The following EIF4E3 variants were observed in gnomAD, a reference collection of about 807,000 sequenced individuals.
EIF4E3 encodes eukaryotic translation initiation factor 4E family member 3.
EIF4E3 carries 26 observed loss-of-function variants against 31.7 expected under a neutral mutation model. The ratio of observed to expected loss-of-function variants is 0.82; its 90% confidence interval spans 0.60 to 1.14. The LOEUF is 1.14. EIF4E3 is among the 50% of genes most tolerant of loss of function. The probability of loss-of-function intolerance (pLI) is 0.00; values close to 1 mark genes in which losing one functional copy is unlikely to be tolerated. For synonymous variants in EIF4E3, 128 were observed against 107.7 expected (o/e 1.19, Z -1.17); for missense variants, 304 against 270.9 (o/e 1.12, Z -0.86).
At chr3:71,739,985 T>C (rs967397380) in intron 1 of EIF4E3, among the ~76,000 whole-genome samples, 2 of 152,150 alleles carry the variant, frequency 1.3e-5, no homozygotes, top group South Asian at 2.1e-4. Flanking sequence ...TAAATTGTTA[T>C]AGTGTATGTG....
chr3:71,731,883 T>C (rs985247824), intron 1 of EIF4E3, among the ~76,000 whole-genome samples: 1 of 152,226 alleles, frequency 6.6e-6, no homozygotes, highest in Non-Finnish European at 1.5e-5. Context: ...TGCGAGTATA[T>C]TTCCAAATAT....
At chr3:71,685,122 G>A (rs1430287761) in intron 6 of EIF4E3, among the ~76,000 whole-genome samples, 1 of 151,986 alleles carries the variant, frequency 6.6e-6, no homozygotes, top group Non-Finnish European at 1.5e-5. Context: ...AGACAGAGCC[G>A]CTTACAAGCC....
chr3:71,660,623 G>A, the EIF4E3 span, among the ~76,000 whole-genome samples: 7 of 152,084 alleles, frequency 4.6e-5, no homozygotes, highest in South Asian at 2.1e-4. Flanking sequence ...CAGGCCCACC[G>A]CTAAATACAA....
the EIF4E3 span, among the ~76,000 whole-genome samples, chr3:71,662,655 T>C: frequency 6.6e-6 from 1 of 152,122 alleles, no homozygotes; most frequent in Admixed American, 6.5e-5. Context: ...TGCCAGCACA[T>C]GGGGCTTGGG....
chr3:71,663,930 A>AG, the EIF4E3 span, among the ~76,000 whole-genome samples: 1 of 152,034 alleles, frequency 6.6e-6, no homozygotes, highest in Non-Finnish European at 1.5e-5. Context: ...TGAGGTAGGG[A>AG]GGGGCTTTCC....
At chr3:71,698,299 G>A (rs889295103) in intron 3 of EIF4E3, among the ~76,000 whole-genome samples, 9 of 152,096 alleles carry the variant, frequency 5.9e-5, no homozygotes, top group Non-Finnish European at 5.9e-5. Context: ...AGAGAGGCTC[G>A]CTTGACTCTG....
At chr3:71,660,805 G>C in the EIF4E3 span, among the ~76,000 whole-genome samples, 2 of 152,194 alleles carry the variant, frequency 1.3e-5, no homozygotes, top group Non-Finnish European at 2.9e-5. Flanking sequence ...TTTTTGGAAA[G>C]AGCTGTGTGA....
chr3:71,732,098 G>T (rs1295387562), intron 1 of EIF4E3, among the ~76,000 whole-genome samples: 1 of 152,086 alleles, frequency 6.6e-6, no homozygotes, highest in Non-Finnish European at 1.5e-5. Context: ...CTGTCTTCTG[G>T]GTTCCTAGCA....
At chr3:71,684,772 A>G (rs533128061) in intron 6 of EIF4E3, 44 bp from the exon 7 acceptor site, 1 of 1,602,768 alleles carries the variant, frequency 6.2e-7, no homozygotes, top group South Asian at 1.1e-5. Context: ...AGGAAAGAAA[A>G]CTTTAAGCAA....
chr3:71,667,066 G>T, the EIF4E3 span, among the ~76,000 whole-genome samples: 1 of 152,166 alleles, frequency 6.6e-6, no homozygotes, highest in South Asian at 2.1e-4. Context: ...CAATCAAGTT[G>T]GCTTCATCCC....
At chr3:71,713,527 C>G (rs1021742343) in intron 1 of EIF4E3, among the ~76,000 whole-genome samples, 1 of 152,058 alleles carries the variant, frequency 6.6e-6, no homozygotes, top group Non-Finnish European at 1.5e-5. Flanking sequence ...TTCTCGACCT[C>G]CTGGGCTCAA....
intron 1 of EIF4E3, among the ~76,000 whole-genome samples, chr3:71,712,644 G>GTGC (rs35405190): frequency 8.1e-6 from 1 of 123,988 alleles, no homozygotes; most frequent in African/African-American, 3.2e-5. Context: ...GTGGGCGGGG[G>GTGC]AGATTCTAGG....
the EIF4E3 span, among the ~76,000 whole-genome samples, chr3:71,666,944 A>G: frequency 3.3e-5 from 5 of 152,104 alleles, no homozygotes; most frequent in Non-Finnish European, 5.9e-5. Context: ...GTCTCAAAAA[A>G]AAAGAAAAAA....
chr3:71,710,540 A>G, intron 1 of EIF4E3, 56 bp from the exon 2 acceptor site: 1 of 1,511,296 alleles, frequency 6.6e-7, no homozygotes, highest in Non-Finnish European at 9.0e-7. Flanking sequence ...CAGTGCTCAC[A>G]AAACAGCCCA....
intron 6 of EIF4E3, among the ~76,000 whole-genome samples, chr3:71,686,768 T>C (rs1260334286): frequency 6.6e-6 from 1 of 152,074 alleles, no homozygotes. Context: ...AGGGGCAGTC[T>C]GGGGTGGTCA....
chr3:71,752,305 A>G (rs1323149543), intron 1 of EIF4E3, among the ~76,000 whole-genome samples: 1 of 152,206 alleles, frequency 6.6e-6, no homozygotes, highest in South Asian at 2.1e-4. Context: ...GCTCTGGACT[A>G]GGTTTACCGG....
chr3:71,669,587 G>C, the EIF4E3 span, among the ~76,000 whole-genome samples: 10 of 151,986 alleles, frequency 6.6e-5, no homozygotes, highest in African/African-American at 1.9e-4. Context: ...TTGTTAGAAG[G>C]GGGGTATGTT....
At chr3:71,735,192 CATT>C (rs1286512588) in intron 1 of EIF4E3, among the ~76,000 whole-genome samples, 3 of 152,062 alleles carry the variant, frequency 2.0e-5, no homozygotes, top group Non-Finnish European at 4.4e-5. Flanking sequence ...AGCTGAAATC[CATT>C]ATATTTTTTT....
Position 71,725,305 on chromosome 3 carries a change from G to A in EIF4E3, c.63C>T (p.Ala21=). ...AGAREPPGSR[A]AAAAAAPEPP... ...GCTCGGGGGCGGCGGCAGCGGCGGC[G>A]GCGCGGGACCCCGGCGGCTCCCGGG... The change falls in exon 1 of 7, where the codon GCC becomes GCT. Residue 21 remains alanine (A), a synonymous_variant. Transcript: ENST00000425534. This position sits in a 1 kb window ranked among gnomAD's most constrained non-coding sequence, Gnocchi z 6.1. 1 of 988,916 alleles carries A rather than the reference G, an allele frequency of 1.0e-6. No homozygotes were observed. Among genetic ancestry groups the A allele is most frequent in the Non-Finnish European group, 1.2e-6 (1 of 832,106 alleles). 61.3% of individuals were successfully genotyped at this position (988,916 alleles called of 1,614,324 possible).
Sources: gnomAD v4.1 joint callset for allele counts (sites outside exome capture counted in the v4.1 genomes callset) on GRCh38, gnomAD v4.1.1 for gene constraint, Gnocchi (gnomAD v3.1) non-coding constraint, MANE v1.5 for transcripts, NCBI Gene and HGNC (gene_info 2026-07-23, HGNC 2026-07-21) for gene names.